Variants in ADAMTSL1 observed in about 807,000 individuals in gnomAD.
ADAMTSL1 encodes ADAMTS-like protein 1.
A neutral mutation model predicts 201.8 loss-of-function variants in ADAMTSL1; 126 were observed. The observed-to-expected ratio is 0.62, with a 90% CI of 0.54 to 0.72. The LOEUF (loss-of-function observed/expected upper bound fraction) is 0.72. ADAMTSL1 is among the 30% of genes least tolerant of loss of function. ADAMTSL1 has a pLI of 0.00. For synonymous variants in ADAMTSL1, 1,121 were observed against 903.4 expected, an observed-to-expected ratio of 1.24 and a Z score of -4.32; for missense variants, 2,679 against 2,277.8, an observed-to-expected ratio of 1.18 and a Z score of -3.59.
At chr9:18,763,119 C>T (rs1820167673) in intron 16 of ADAMTSL1, among the ~76,000 whole-genome samples, 1 of 152,182 alleles carries the variant, frequency 6.6e-6, no homozygotes, top group Non-Finnish European at 1.5e-5. Flanking sequence ...TTTACATTCC[C>T]ACCCACAGTG....
intron 23 of ADAMTSL1, among the ~76,000 whole-genome samples, chr9:18,839,264 A>G (rs1043231299): frequency 2.1e-5 from 3 of 139,586 alleles, no homozygotes; most frequent in Non-Finnish European, 3.0e-5. Flanking sequence ...ATTCCCACCT[A>G]TGAGTGAGAA....
intron 1 of ADAMTSL1, among the ~76,000 whole-genome samples, chr9:17,978,176 A>G (rs913003805): frequency 2.0e-5 from 3 of 151,856 alleles, no homozygotes; most frequent in African/African-American, 7.3e-5. Context: ...CTTTATGTTT[A>G]TCCATGTGTG....
intron 4 of ADAMTSL1, among the ~76,000 whole-genome samples, chr9:18,587,784 T>A (rs532674932): frequency 1.3e-5 from 2 of 152,288 alleles, no homozygotes; most frequent in South Asian, 4.1e-4. Flanking sequence ...TCCAGTTCCA[T>A]CCATATTGCT....
intron 1 of ADAMTSL1, among the ~76,000 whole-genome samples, chr9:17,951,489 A>G (rs1028233357): frequency 2.6e-5 from 4 of 152,190 alleles, no homozygotes. Flanking sequence ...TTTTGCCAAA[A>G]TGGTGAGTTT....
At chr9:18,435,971 T>C (rs79320748) in intron 2 of ADAMTSL1, among the ~76,000 whole-genome samples, 3,864 of 152,286 alleles carry the variant, frequency 0.025, 166 homozygotes, top group African/African-American at 0.089. Flanking sequence ...AGCCAAACCA[T>C]ATCATGCAGT....
At chr9:18,273,837 C>A (rs2132593227) in intron 2 of ADAMTSL1, among the ~76,000 whole-genome samples, 1 of 152,298 alleles carries the variant, frequency 6.6e-6, no homozygotes, top group East Asian at 1.9e-4. Context: ...GATCAGTCTT[C>A]CACTGTTGAG....
rs547708442 is a variant in ADAMTSL1 at position 18,276,254 on chromosome 9, G to C, written c.207+112273G>C. ...TAAATATTTTAGAAAAGAGTTCTTTGTCAGATATATGTTTAGCAAATGTTT... is the reference window on the plus strand; with the variant it reads ...TAAATATTTTAGAAAAGAGTTCTTTCTCAGATATATGTTTAGCAAATGTTT... On this transcript the variant is annotated intron_variant, in intron 2 of 29. Transcript: ENST00000680146. Among the ~76,000 whole-genome samples, 4 of 151,976 alleles carry C rather than the reference G, an allele frequency of 2.6e-5. No homozygotes were observed. In the South Asian group the frequency reaches 8.3e-4, roughly 32 times the overall value.
At chr9:18,126,531 C>G (rs1825736343) in intron 1 of ADAMTSL1, among the ~76,000 whole-genome samples, 1 of 152,182 alleles carries the variant, frequency 6.6e-6, no homozygotes, top group Admixed American at 6.5e-5. Flanking sequence ...TTGCATGCAC[C>G]ACACGTGGCA....
At chr9:18,304,302 C>G (rs891187481) in intron 2 of ADAMTSL1, among the ~76,000 whole-genome samples, 1 of 151,990 alleles carries the variant, frequency 6.6e-6, no homozygotes, top group African/African-American at 2.4e-5. Flanking sequence ...TGCCCCTACC[C>G]TCAACATGCC....
chr9:18,080,460 C>A (rs951939280), intron 1 of ADAMTSL1, among the ~76,000 whole-genome samples: 2 of 152,112 alleles, frequency 1.3e-5, no homozygotes, highest in East Asian at 3.9e-4. Flanking sequence ...AGAACGGATG[C>A]ACAATATCAG....
At chr9:18,058,467 A>C (rs984800993) in intron 1 of ADAMTSL1, among the ~76,000 whole-genome samples, 3 of 152,220 alleles carry the variant, frequency 2.0e-5, no homozygotes, top group African/African-American at 7.2e-5. Flanking sequence ...TCGCATTGAC[A>C]TGTATACCAT....
At chr9:18,878,471 C>G (rs1828312401) in intron 23 of ADAMTSL1, among the ~76,000 whole-genome samples, 1 of 152,232 alleles carries the variant, frequency 6.6e-6, no homozygotes, top group Admixed American at 6.5e-5. Flanking sequence ...GCTCTTCCCA[C>G]TACTACATCT....
chr9:18,252,663 C>T (rs983399303), intron 2 of ADAMTSL1, among the ~76,000 whole-genome samples: 2 of 151,928 alleles, frequency 1.3e-5, no homozygotes, highest in South Asian at 2.1e-4. Flanking sequence ...ATTGAGTCCA[C>T]GGATACAGAG....
At chr9:18,288,639 C>A (rs926766743) in intron 2 of ADAMTSL1, among the ~76,000 whole-genome samples, 1 of 150,148 alleles carries the variant, frequency 6.7e-6, no homozygotes, top group African/African-American at 2.5e-5. Flanking sequence ...GGCAAACAGG[C>A]AAAAGGGAAA....
At chr9:18,732,115 A>G (rs1025766513) in intron 15 of ADAMTSL1, among the ~76,000 whole-genome samples, 2 of 152,232 alleles carry the variant, frequency 1.3e-5, no homozygotes, top group African/African-American at 4.8e-5. Context: ...CCTACCTCAT[A>G]GAGCAGGCAC....
At chr9:17,990,889 A>G (rs1819126159) in intron 1 of ADAMTSL1, among the ~76,000 whole-genome samples, 1 of 152,160 alleles carries the variant, frequency 6.6e-6, no homozygotes. Flanking sequence ...AACTTTACCT[A>G]GTAGGAAACT....
chr9:18,862,031 C>G (rs1297125420), intron 23 of ADAMTSL1, among the ~76,000 whole-genome samples: 1 of 152,180 alleles, frequency 6.6e-6, no homozygotes, highest in East Asian at 1.9e-4. Context: ...GCTCCACCCC[C>G]ACTGCTCACC....
intron 23 of ADAMTSL1, among the ~76,000 whole-genome samples, chr9:18,845,240 A>T (rs1055557184): frequency 4.6e-5 from 7 of 152,142 alleles, no homozygotes; most frequent in Non-Finnish European, 1.0e-4. Flanking sequence ...CCTTCAGAGG[A>T]ACTCCTCACA....
At chr9:18,256,544 A>G (rs1455189474) in intron 2 of ADAMTSL1, among the ~76,000 whole-genome samples, 1 of 152,236 alleles carries the variant, frequency 6.6e-6, no homozygotes, top group Non-Finnish European at 1.5e-5. Context: ...ATGTTTTGAA[A>G]AAGAAATGGG....
Sources: gnomAD v4.1 joint callset for allele counts (sites outside exome capture counted in the v4.1 genomes callset) on GRCh38, gnomAD v4.1.1 for gene constraint, MANE v1.5 for transcripts, NCBI Gene and HGNC (gene_info 2026-07-23, HGNC 2026-07-21) for gene names.